The following DOCK5 variants were observed in gnomAD, a reference collection of about 807,000 sequenced individuals.
The protein encoded by DOCK5 is dedicator of cytokinesis protein 5.
In DOCK5, 142 loss-of-function variants were observed where a neutral mutation model predicts 251.8. That is an observed-to-expected ratio of 0.56 (90% CI 0.49 to 0.65). DOCK5 has a LOEUF of 0.65. DOCK5 is among the 30% of genes least tolerant of loss of function. DOCK5 has a pLI of 0.00. For missense variants in DOCK5, 2,111 were observed against 2,312.3 expected (o/e 0.91, Z 1.79); for synonymous variants, 842 against 835.5 (o/e 1.01, Z -0.13).
In DOCK5 at chr8:25,409,065, G is replaced by A. The variant is rs1370374123; in HGVS notation, c.5404+125G>A. ...ACCATTGTAAAACTGGTTCAATTTC[G>A]TGTTCGTGTATTATACAGTTAGACT... On this transcript the variant is annotated intron_variant, in intron 50 of 51. Transcript: ENST00000276440. 41 of 1,392,380 alleles carry A rather than the reference G, an allele frequency of 2.9e-5. 1 individual carries two copies. The highest frequency in any genetic ancestry group is 3.9e-5 in the South Asian group (3 of 77,436). The allele number at this position is 1,392,380 out of a possible 1,614,324, so 86.3% of individuals were successfully genotyped here.
At position 25,308,845 on chromosome 8, in the gene DOCK5, A is replaced by T; in HGVS notation, c.1112A>T (p.His371Leu). Residue 371 changes from histidine to leucine, a missense_variant, in exon 12 of 52, where the codon CAC becomes CTC. His to Leu is a moderately conservative substitution (Grantham distance 99, BLOSUM62 -3). Coordinates refer to ENST00000276440, the MANE Select transcript of DOCK5 (RefSeq NM_024940.8). ...QLIMSPLITS[H>L]VIGENEPLTS... ...ATCATGTCGCCTTTGATAACATCACACGTGATTGGGGAGAATGAGCCACTC... is the reference window on the plus strand; with the variant it reads ...ATCATGTCGCCTTTGATAACATCACTCGTGATTGGGGAGAATGAGCCACTC... 6.2e-7 allele frequency: 1 copy of T among 1,613,916 alleles called. No homozygotes were observed. Among genetic ancestry groups the T allele is most frequent in the Non-Finnish European group, 8.5e-7 (1 of 1,179,836 alleles).
At chr8:25,393,530 C>T (rs1160782198) in intron 44 of DOCK5, among the ~76,000 whole-genome samples, 1 of 152,198 alleles carries the variant, frequency 6.6e-6, no homozygotes, top group African/African-American at 2.4e-5. Flanking sequence ...TCTTCTGCCC[C>T]ATCTCCTAGG....
Position 25,359,058 on chromosome 8 carries a change from C to T in DOCK5, c.2946C>T (p.Ile982=). The part of the protein sequence containing the change: ...YISTFKTRQD[I]IDFLMETFIM... Reference sequence around the variant, plus strand: ...GCACTTTCAAAACCAGACAAGACATCATCGTAAGTTGCCTTTACTGGTCCT... The same window carrying T: ...GCACTTTCAAAACCAGACAAGACATTATCGTAAGTTGCCTTTACTGGTCCT... The change falls in exon 28 of 52, where the codon ATC becomes ATT. Residue 982 remains isoleucine, a synonymous_variant. Coordinates refer to ENST00000276440, the MANE Select transcript of DOCK5 (RefSeq NM_024940.8). The T allele has an allele frequency of 6.2e-7, 1 of 1,613,702 alleles. No homozygotes were observed. Among genetic ancestry groups the T allele is most frequent in the Non-Finnish European group, 8.5e-7 (1 of 1,179,600 alleles).
At chr8:25,190,775 G>GATT (rs755511798) in intron 1 of DOCK5, among the ~76,000 whole-genome samples, 1,041 of 53,950 alleles carry the variant, frequency 0.019, 54 homozygotes, top group African/African-American at 0.03. Context: ...CTTGGTCATG[G>GATT]GTTTTTTTTT....
chr8:25,395,814 C>T, intron 45 of DOCK5, 95 bp downstream of exon 45: 1 of 1,326,912 alleles, frequency 7.5e-7, no homozygotes, highest in Non-Finnish European at 1.1e-6. Flanking sequence ...TCATTTCCTA[C>T]AGCTGCTCTA....
At chr8:25,188,803 T>C (rs1313083377) in intron 1 of DOCK5, among the ~76,000 whole-genome samples, 1 of 148,720 alleles carries the variant, frequency 6.7e-6, no homozygotes, top group Non-Finnish European at 1.5e-5. Context: ...GAAAATGTGC[T>C]TTTTTCTCAT....
chr8:25,335,216 C>T (rs1805774949), intron 21 of DOCK5, among the ~76,000 whole-genome samples: 1 of 152,180 alleles, frequency 6.6e-6, no homozygotes, highest in Non-Finnish European at 1.5e-5. Context: ...TGCCCACTGA[C>T]TTGTCAGCAA....
At chr8:25,345,749 A>T in intron 26 of DOCK5, 138 bp downstream of exon 26, 2 of 1,260,016 alleles carry the variant, frequency 1.6e-6, no homozygotes, top group South Asian at 2.8e-5. Context: ...TTTTAGAGAT[A>T]ATTAGGGAGG....
rs559228002 is a variant in DOCK5 at position 25,205,661 on chromosome 8, C to T, written c.43+20710C>T. Among the ~76,000 whole-genome samples the T allele has an allele frequency of 5.3e-5, 8 of 152,236 alleles. No homozygotes were observed. In the South Asian group the frequency reaches 8.3e-4, roughly 16 times the overall value. On this transcript the variant is annotated intron_variant, in intron 1 of 51. Transcript: ENST00000276440. ...TAGCAGCCTTCTGGCCTTGAAAATC[C>T]TGCTGTTGCTGATTCAGTTGTCAGG...
chr8:25,319,743 A>T (rs55721400), intron 15 of DOCK5, 67 bp downstream of exon 15: 10 of 1,197,690 alleles, frequency 8.3e-6, no homozygotes, highest in African/African-American at 3.1e-5. Flanking sequence ...TCTTCTGTTT[A>T]CCCCCAAATT....
chr8:25,359,071 C>T lies in DOCK5; in HGVS notation c.2949+10C>T, dbSNP rs1488392251. On this transcript the variant is annotated intron_variant, in intron 28 of 51. Coordinates refer to ENST00000276440, the MANE Select transcript of DOCK5 (RefSeq NM_024940.8). ...CAGACAAGACATCATCGTAAGTTGC[C>T]TTTACTGGTCCTGGTAACCTGAAGA... 1 of 1,610,716 alleles carries T rather than the reference C, an allele frequency of 6.2e-7. No homozygotes were observed. The highest frequency in any genetic ancestry group is 1.1e-5 in the South Asian group (1 of 90,972).
At chr8:25,278,010 G>A (rs2117128967) in intron 4 of DOCK5, among the ~76,000 whole-genome samples, 1 of 152,238 alleles carries the variant, frequency 6.6e-6, no homozygotes, top group Admixed American at 6.5e-5. Flanking sequence ...TCTTCTGTGA[G>A]TAAGCAAGGA....
At chr8:25,307,911 T>A (rs984891665) in intron 11 of DOCK5, among the ~76,000 whole-genome samples, 1 of 151,994 alleles carries the variant, frequency 6.6e-6, no homozygotes, top group Non-Finnish European at 1.5e-5. Flanking sequence ...AGTAGGAGAG[T>A]GTTGTATGTA....
Position 25,351,827 on chromosome 8 carries a change from G to A in DOCK5, c.2850+1G>A, listed in dbSNP as rs752149819. 2.5e-6 allele frequency: 4 copies of A among 1,612,974 alleles called. No homozygotes were observed. The highest frequency in any genetic ancestry group is 1.3e-5 in the African/African-American group (1 of 74,910). On this transcript the variant is annotated splice_donor_variant, in intron 27 of 51. Coordinates refer to ENST00000276440, the MANE Select transcript of DOCK5 (RefSeq NM_024940.8). LOFTEE classifies it high-confidence loss of function. Reference sequence around the variant, plus strand: ...GATGAACCGGCAGTCTCCCCACATCGTGAGTATCTCTTTGTTGGATCCCAC... The same window carrying A: ...GATGAACCGGCAGTCTCCCCACATCATGAGTATCTCTTTGTTGGATCCCAC...
At chr8:25,220,012 T>A (rs889255779) in intron 1 of DOCK5, among the ~76,000 whole-genome samples, 4 of 149,366 alleles carry the variant, frequency 2.7e-5, no homozygotes. Flanking sequence ...TCTTCTTCTT[T>A]TTTTTTTGTC....
chr8:25,196,600 T>A (rs1133949), intron 1 of DOCK5, among the ~76,000 whole-genome samples: 21,787 of 152,216 alleles, frequency 0.14, 2,530 homozygotes, highest in African/African-American at 0.33. Flanking sequence ...TGTAGCCATC[T>A]TGTTAGCTGA....
intron 40 of DOCK5, among the ~76,000 whole-genome samples, chr8:25,383,642 G>A (rs776338846): frequency 3.3e-5 from 5 of 152,118 alleles, no homozygotes; most frequent in Non-Finnish European, 5.9e-5. Flanking sequence ...ATCACTTGAC[G>A]TCAGGGGTTC....
At chr8:25,360,960 G>C (rs961296791) in intron 28 of DOCK5, among the ~76,000 whole-genome samples, 3 of 152,114 alleles carry the variant, frequency 2.0e-5, no homozygotes, top group African/African-American at 7.2e-5. Context: ...TTATCCTCAC[G>C]AGGGAACTAA....
At chr8:25,408,540 G>C (rs1242924891) in intron 49 of DOCK5, among the ~76,000 whole-genome samples, 1 of 152,118 alleles carries the variant, frequency 6.6e-6, no homozygotes, top group Non-Finnish European at 1.5e-5. Flanking sequence ...TGAGAATCAG[G>C]GTGGCTTATT....
Sources: allele counts gnomAD v4.1 joint callset (sites outside exome capture counted in the v4.1 genomes callset), GRCh38; gene constraint gnomAD v4.1.1; transcripts MANE v1.5; gene names NCBI Gene and HGNC (gene_info 2026-07-23, HGNC 2026-07-21).